Variants in ANKRD12 observed in about 807,000 individuals in gnomAD.
ANKRD12 encodes the protein ankyrin repeat domain-containing protein 12.
In ANKRD12, 85 loss-of-function variants were observed where a neutral mutation model predicts 183.4. The ratio of observed to expected loss-of-function variants is 0.46; its 90% CI spans 0.39 to 0.56. ANKRD12 has a LOEUF of 0.56. Ranked by LOEUF, ANKRD12 falls within the 20% of genes least tolerant of loss-of-function variation. The probability of loss-of-function intolerance (pLI) is 0.00; values close to 1 mark genes in which losing one functional copy is unlikely to be tolerated. For missense variants in ANKRD12, 2,405 were observed against 2,357.1 expected (o/e 1.02, Z -0.42); for synonymous variants, 914 against 800.2 (o/e 1.14, Z -2.40).
At chr18:9,157,336 G>A (rs2143693647) in intron 1 of ANKRD12, among the ~76,000 whole-genome samples, 1 of 152,008 alleles carries the variant, frequency 6.6e-6, no homozygotes, top group South Asian at 2.1e-4. Flanking sequence ...TCGTGTGGCT[G>A]ACTGGGAGCT....
At chr18:9,224,093 A>T (rs188947444) in intron 8 of ANKRD12, among the ~76,000 whole-genome samples, 3 of 152,364 alleles carry the variant, frequency 2.0e-5, no homozygotes, top group East Asian at 1.9e-4. Flanking sequence ...TGCTTTTCTG[A>T]CAAGATTAAC....
At chr18:9,231,948 A>C (rs1021420179) in intron 8 of ANKRD12, among the ~76,000 whole-genome samples, 21 of 152,024 alleles carry the variant, frequency 1.4e-4, no homozygotes, top group African/African-American at 5.1e-4. Flanking sequence ...TCACAGGTAA[A>C]ATACATTTCT....
intron 8 of ANKRD12, among the ~76,000 whole-genome samples, chr18:9,238,674 TA>T (rs2037483694): frequency 6.6e-6 from 1 of 152,232 alleles, no homozygotes; most frequent in Non-Finnish European, 1.5e-5. Context: ...GGAGAAAACA[TA>T]AAACATAATT....
At chr18:9,263,580 T>C (rs35272202) in intron 9 of ANKRD12, among the ~76,000 whole-genome samples, 5,314 of 152,318 alleles carry the variant, frequency 0.035, 124 homozygotes, top group Non-Finnish European at 0.056. Context: ...TCTTTGAAAT[T>C]TGTTGTGGCC....
At chr18:9,197,754 T>G (rs2034929792) in intron 3 of ANKRD12, among the ~76,000 whole-genome samples, 1 of 152,244 alleles carries the variant, frequency 6.6e-6, no homozygotes, top group South Asian at 2.1e-4. Flanking sequence ...ATCCTCATTG[T>G]CTTCACATTG....
intron 1 of ANKRD12, among the ~76,000 whole-genome samples, chr18:9,139,918 G>T (rs1225295025): frequency 3.9e-5 from 6 of 152,190 alleles, no homozygotes; most frequent in African/African-American, 1.2e-4. Flanking sequence ...TGGCCGAGAG[G>T]TTTCTTTCTG....
At chr18:9,261,806 T>C (rs78247675) in intron 9 of ANKRD12, among the ~76,000 whole-genome samples, 1,569 of 152,318 alleles carry the variant, frequency 0.01, 21 homozygotes, top group African/African-American at 0.036. Context: ...ACTCTGGCTC[T>C]TCCTTTAAGA....
At chr18:9,157,216 C>G (rs1404734856) in intron 1 of ANKRD12, among the ~76,000 whole-genome samples, 1 of 152,086 alleles carries the variant, frequency 6.6e-6, no homozygotes, top group African/African-American at 2.4e-5. Context: ...CTTAGACTAG[C>G]CTCTGTAAAT....
intron 8 of ANKRD12, among the ~76,000 whole-genome samples, chr18:9,226,388 A>G (rs537764290): frequency 6.6e-6 from 1 of 152,098 alleles, no homozygotes; most frequent in East Asian, 1.9e-4. Context: ...TCGCACCATT[A>G]CACTCCAGCC....
intron 2 of ANKRD12, among the ~76,000 whole-genome samples, chr18:9,186,137 A>ATTTT (rs11310603): frequency 2.4e-5 from 3 of 126,754 alleles, no homozygotes; most frequent in Non-Finnish European, 3.3e-5. Context: ...TAAAAGTGTG[A>ATTTT]TTTTTTTTTT....
intron 11 of ANKRD12, among the ~76,000 whole-genome samples, chr18:9,279,206 C>G (rs2039994871): frequency 6.6e-6 from 1 of 152,190 alleles, no homozygotes; most frequent in Non-Finnish European, 1.5e-5. Flanking sequence ...AGATAGTAAA[C>G]TGTAACATTA....
chr18:9,199,673 TTTG>T (rs2035054898), intron 3 of ANKRD12, among the ~76,000 whole-genome samples: 1 of 152,208 alleles, frequency 6.6e-6, no homozygotes, highest in Non-Finnish European at 1.5e-5. Flanking sequence ...CCTTTATATT[TTTG>T]TTTATATTTT....
intron 9 of ANKRD12, among the ~76,000 whole-genome samples, chr18:9,263,587 G>A (rs2039110517): frequency 6.6e-6 from 1 of 152,010 alleles, no homozygotes; most frequent in East Asian, 1.9e-4. Context: ...AATTTGTTGT[G>A]GCCTTAGAAT....
intron 5 of ANKRD12, among the ~76,000 whole-genome samples, chr18:9,210,475 C>CT (rs2035731950): frequency 6.6e-6 from 1 of 151,880 alleles, no homozygotes; most frequent in African/African-American, 2.4e-5. Flanking sequence ...AATCCCAGCA[C>CT]TTTGGGAGGC....
intron 1 of ANKRD12, among the ~76,000 whole-genome samples, chr18:9,160,332 C>T (rs1555709267): frequency 1.3e-5 from 2 of 152,224 alleles, no homozygotes; most frequent in Non-Finnish European, 2.9e-5. Context: ...AGTCTGGTCT[C>T]AAACTCCTGG....
At chr18:9,199,867 G>A (rs914869327) in intron 3 of ANKRD12, among the ~76,000 whole-genome samples, 1 of 152,064 alleles carries the variant, frequency 6.6e-6, no homozygotes, top group Non-Finnish European at 1.5e-5. Flanking sequence ...AGGGATGCTG[G>A]GAATGATGCT....
At chr18:9,184,128 C>T (rs572513426) in intron 2 of ANKRD12, among the ~76,000 whole-genome samples, 2 of 152,234 alleles carry the variant, frequency 1.3e-5, no homozygotes, top group East Asian at 3.9e-4. Flanking sequence ...TCGATTACAT[C>T]TAGATATGTG....
rs1231056843 is a variant in ANKRD12 at position 9,213,725 on chromosome 18, AT to A, written c.652+1946del. 2.6e-5 allele frequency among the ~76,000 whole-genome samples: 4 copies of A among 151,754 alleles called. No homozygotes were observed. In the East Asian group the frequency reaches 5.8e-4, roughly 22 times the overall value. ...TATGGACAGTGTTTATTTTCTTTGT[AT>A]TTTTAAGTTATCTAATATTTCTTTT... On this transcript the variant is annotated intron_variant, in intron 6 of 12. Transcript: ENST00000262126.
Position 9,254,599 on chromosome 18 carries a change from C to T in ANKRD12, c.1332C>T (p.Ser444=), listed in dbSNP as rs746676547. ...LQNKKISTSC[S]VIPETSNSDM... ...ATAAAAAGATTTCTACTTCATGTTC[C>T]GTCATCCCTGAAACATCAAATTCTG... Residue 444 remains serine, a synonymous_variant, in exon 9 of 13, where the codon TCC becomes TCT. Transcript: ENST00000262126. 4.4e-6 allele frequency: 7 copies of T among 1,582,108 alleles called. No homozygotes were observed. The East Asian group carries it at 1.1e-4, about 26-fold the overall frequency.
Sources: gnomAD v4.1 joint callset for allele counts (sites outside exome capture counted in the v4.1 genomes callset) on GRCh38, gnomAD v4.1.1 for gene constraint, MANE v1.5 for transcripts, NCBI Gene and HGNC (gene_info 2026-07-23, HGNC 2026-07-21) for gene names.